Variants in MPP7 observed in about 807,000 individuals in gnomAD.
MPP7 encodes the protein MAGUK p55 subfamily member 7.
Under a neutral mutation model 76.5 loss-of-function variants are expected in MPP7, and 60 were observed. That is an observed-to-expected ratio of 0.78 (90% CI 0.64 to 0.97). The LOEUF (loss-of-function observed/expected upper bound fraction) is 0.97, where lower values mean the gene tolerates loss of function less well. Among genes scored for constraint, MPP7 ranks in the 50% least tolerant of loss-of-function variants. The probability of loss-of-function intolerance (pLI) is 0.00; values close to 1 mark genes in which losing one functional copy is unlikely to be tolerated. For synonymous variants in MPP7, 237 were observed against 244.5 expected (o/e 0.97, Z 0.29); for missense variants, 641 against 694.0 (o/e 0.92, Z 0.86).
At chr10:28,070,020 T>C (rs1003856217) in intron 12 of MPP7, among the ~76,000 whole-genome samples, 168 bp from the exon 13 acceptor site, 2 of 152,184 alleles carry the variant, frequency 1.3e-5, no homozygotes, top group Non-Finnish European at 2.9e-5. Context: ...TAGATTTCTT[T>C]TGTTGCTTTT....
intron 2 of MPP7, among the ~76,000 whole-genome samples, chr10:28,236,438 T>C (rs1292502529): frequency 1.3e-5 from 2 of 151,890 alleles, no homozygotes; most frequent in Admixed American, 6.6e-5. Flanking sequence ...AGCTGAAGAA[T>C]AATAAATAGG....
chr10:28,137,213 A>T (rs1835377806), intron 5 of MPP7, among the ~76,000 whole-genome samples: 1 of 152,220 alleles, frequency 6.6e-6, no homozygotes, highest in Admixed American at 6.5e-5. Context: ...AATACTGTTA[A>T]CTTAGAATTC....
At chr10:28,267,775 C>T (rs1035277759) in intron 1 of MPP7, among the ~76,000 whole-genome samples, 2 of 152,146 alleles carry the variant, frequency 1.3e-5, no homozygotes, top group African/African-American at 2.4e-5. Flanking sequence ...ATGGCTCACA[C>T]CTGTAATTCC....
intron 2 of MPP7, among the ~76,000 whole-genome samples, chr10:28,211,473 A>G (rs986282689): frequency 6.6e-6 from 1 of 151,916 alleles, no homozygotes; most frequent in Non-Finnish European, 1.5e-5. Flanking sequence ...AGAGAGAGAG[A>G]GAGAATTACT....
At chr10:28,136,359 A>G (rs1221773182) in intron 5 of MPP7, among the ~76,000 whole-genome samples, 1 of 152,134 alleles carries the variant, frequency 6.6e-6, no homozygotes, top group Non-Finnish European at 1.5e-5. Context: ...GGTTGATCCA[A>G]AGAAACACAA....
intron 3 of MPP7, among the ~76,000 whole-genome samples, chr10:28,177,821 A>G (rs1836926538): frequency 6.6e-6 from 1 of 152,184 alleles, no homozygotes; most frequent in African/African-American, 2.4e-5. Context: ...TGACCCAGGG[A>G]ACACTGTCAT....
intron 2 of MPP7, among the ~76,000 whole-genome samples, chr10:28,308,918 G>A (rs79348241): frequency 4.7e-5 from 3 of 63,168 alleles, no homozygotes; most frequent in African/African-American, 6.5e-5. Flanking sequence ...CCAAGGACAC[G>A]GACTAAGAAA....
At chr10:28,098,695 C>G (rs1588765092) in intron 11 of MPP7, among the ~76,000 whole-genome samples, 1 of 151,932 alleles carries the variant, frequency 6.6e-6, no homozygotes, top group African/African-American at 2.4e-5. Context: ...GGTTATGTCT[C>G]AGAGGCAAGT....
At chr10:28,278,101 A>C (rs1426173545) in intron 1 of MPP7, among the ~76,000 whole-genome samples, 1 of 152,080 alleles carries the variant, frequency 6.6e-6, no homozygotes, top group Non-Finnish European at 1.5e-5. Flanking sequence ...AACCAAAGAG[A>C]ATATTGTTTT....
At chr10:28,099,144 A>T (rs555115628) in intron 11 of MPP7, among the ~76,000 whole-genome samples, 2 of 152,308 alleles carry the variant, frequency 1.3e-5, no homozygotes, top group South Asian at 4.1e-4. Context: ...TTAGCTACAA[A>T]CATGGCCATT....
At chr10:28,178,960 A>G (rs1836966917) in intron 3 of MPP7, among the ~76,000 whole-genome samples, 1 of 152,210 alleles carries the variant, frequency 6.6e-6, no homozygotes, top group South Asian at 2.1e-4. Context: ...CAAAGGTAAA[A>G]TCCAGAAAGG....
chr10:28,170,644 A>G (rs1343819313), intron 3 of MPP7, among the ~76,000 whole-genome samples: 1 of 151,118 alleles, frequency 6.6e-6, no homozygotes, highest in Non-Finnish European at 1.5e-5. Context: ...TTATATGTCT[A>G]CTTTCTTGTT....
intron 12 of MPP7, among the ~76,000 whole-genome samples, chr10:28,079,679 G>A (rs755091370): frequency 1.6e-4 from 24 of 152,150 alleles, no homozygotes; most frequent in Admixed American, 3.9e-4. Flanking sequence ...GGTCTCAGGC[G>A]TTGTGTTTTG....
chr10:28,136,089 G>A (rs1008620405), intron 5 of MPP7, among the ~76,000 whole-genome samples: 3 of 151,850 alleles, frequency 2.0e-5, no homozygotes, highest in Middle Eastern at 3.2e-3. Context: ...GATCTAGGTT[G>A]CATGCTTCTT....
At chr10:28,306,906 C>T (rs189413188), upstream of MPP7, among the ~76,000 whole-genome samples, 1 of 152,262 alleles carries the variant, frequency 6.6e-6, no homozygotes, top group East Asian at 1.9e-4. Flanking sequence ...GTGCTCTATT[C>T]TCCTATTCTG....
chr10:28,190,655 G>A (rs1837383506), intron 3 of MPP7, among the ~76,000 whole-genome samples: 1 of 152,088 alleles, frequency 6.6e-6, no homozygotes. Flanking sequence ...GTGAGATGCT[G>A]CAAAAGCAGT....
chr10:28,072,850 A>G (rs1006764207), intron 12 of MPP7, among the ~76,000 whole-genome samples: 1 of 152,190 alleles, frequency 6.6e-6, no homozygotes, highest in African/African-American at 2.4e-5. Flanking sequence ...CTATGGTCAT[A>G]TAAGGACATT....
At chr10:28,272,757 G>A (rs747991358) in intron 1 of MPP7, among the ~76,000 whole-genome samples, 10 of 151,912 alleles carry the variant, frequency 6.6e-5, no homozygotes, top group Non-Finnish European at 1.3e-4. Flanking sequence ...GAACAGGAGG[G>A]GAAAAGTATA....
intron 1 of MPP7, among the ~76,000 whole-genome samples, chr10:28,282,603 G>A (rs945104291): frequency 6.6e-6 from 1 of 151,946 alleles, no homozygotes; most frequent in African/African-American, 2.4e-5. Context: ...CGGTGGGGGT[G>A]AGTAAGTGGG....
Sources: allele counts gnomAD v4.1 joint callset (sites outside exome capture counted in the v4.1 genomes callset), GRCh38; gene constraint gnomAD v4.1.1; transcripts MANE v1.5; gene names NCBI Gene and HGNC (gene_info 2026-07-23, HGNC 2026-07-21).